TMEM182: variants seen among roughly 807,000 people sequenced by gnomAD.
TMEM182 encodes the protein transmembrane protein 182.
TMEM182 carries 20 observed loss-of-function variants against 26.8 expected under a neutral mutation model. That is an observed-to-expected ratio of 0.75 (90% CI 0.53 to 1.09). The LOEUF (loss-of-function observed/expected upper bound fraction) is 1.09. TMEM182 is among the 50% of genes least tolerant of loss of function. TMEM182 has a pLI of 0.00. For missense variants in TMEM182, 277 were observed against 275.5 expected (o/e 1.01, Z -0.04); for synonymous variants, 109 against 102.2 (o/e 1.07, Z -0.40).
intron 4 of TMEM182, among the ~76,000 whole-genome samples, chr2:102,801,244 CA>C (rs1288605103): frequency 6.6e-6 from 1 of 151,990 alleles, no homozygotes; most frequent in Non-Finnish European, 1.5e-5. Flanking sequence ...GGCACTGTTG[CA>C]GGAATCAGGA....
At chr2:102,772,651 C>A (rs1680727672) in intron 3 of TMEM182, among the ~76,000 whole-genome samples, 1 of 152,154 alleles carries the variant, frequency 6.6e-6, no homozygotes, top group African/African-American at 2.4e-5. Context: ...GCCTTCATCA[C>A]CTGGTGCCAT....
At chr2:102,752,891 A>G (rs1679916731) in intron 1 of TMEM182, among the ~76,000 whole-genome samples, 1 of 152,254 alleles carries the variant, frequency 6.6e-6, no homozygotes, top group Non-Finnish European at 1.5e-5. Context: ...TAACTGAAGG[A>G]CAGAAGAGGA....
At chr2:102,757,688 A>G (rs960672178), upstream of TMEM182, 1 of 152,270 alleles carries the variant, frequency 6.6e-6, no homozygotes, top group African/African-American at 2.4e-5. Flanking sequence ...GGCCCTGATG[A>G]CTCAGTGTTT....
chr2:102,775,824 A>G (rs998929965), intron 3 of TMEM182, among the ~76,000 whole-genome samples: 3 of 152,152 alleles, frequency 2.0e-5, no homozygotes, highest in Non-Finnish European at 2.9e-5. Flanking sequence ...TAGGAATCCA[A>G]CTTACAAGGG....
intron 1 of TMEM182, 88 bp downstream of exon 1, chr2:102,762,437 G>A: frequency 6.4e-7 from 1 of 1,569,084 alleles, no homozygotes; most frequent in Non-Finnish European, 8.7e-7. Context: ...TAGTAGTGGA[G>A]TGTCTATTTC....
At chr2:102,836,428 G>A (rs1402369703) in intron 3 of TMEM182, among the ~76,000 whole-genome samples, 2 of 152,080 alleles carry the variant, frequency 1.3e-5, no homozygotes, top group Non-Finnish European at 1.5e-5. Context: ...TTTGACCATT[G>A]TAATACGTAT....
At chr2:102,765,048 A>G (rs1005442886) in intron 3 of TMEM182, among the ~76,000 whole-genome samples, 2 of 152,106 alleles carry the variant, frequency 1.3e-5, no homozygotes, top group Admixed American at 1.3e-4. Flanking sequence ...GTGTTTTTCA[A>G]AAATAGTAGC....
intron 4 of TMEM182, among the ~76,000 whole-genome samples, chr2:102,798,886 A>C (rs1681994751): frequency 6.6e-6 from 1 of 152,148 alleles, no homozygotes; most frequent in East Asian, 1.9e-4. Context: ...AATTATCTGA[A>C]TATATTATTT....
intron 3 of TMEM182, among the ~76,000 whole-genome samples, chr2:102,771,403 G>A (rs73944419): frequency 7.9e-5 from 12 of 152,104 alleles, no homozygotes; most frequent in African/African-American, 2.9e-4. Flanking sequence ...TCCCAGAGTG[G>A]CTCACTGGGC....
chr2:102,754,580 T>C (rs1404489050), intron 1 of TMEM182, among the ~76,000 whole-genome samples: 1 of 152,214 alleles, frequency 6.6e-6, no homozygotes, highest in Non-Finnish European at 1.5e-5. Context: ...GTAGAAGCTA[T>C]GGGAGTTTGA....
chr2:102,765,868 C>G (rs1435020654), intron 3 of TMEM182, among the ~76,000 whole-genome samples: 1 of 152,126 alleles, frequency 6.6e-6, no homozygotes, highest in Non-Finnish European at 1.5e-5. Context: ...GCACCTCACT[C>G]ACATTTGTCA....
At chr2:102,777,169 CTG>C (rs1240172113) in intron 3 of TMEM182, among the ~76,000 whole-genome samples, 2 of 152,050 alleles carry the variant, frequency 1.3e-5, no homozygotes, top group East Asian at 1.9e-4. Context: ...CAATTTGTCT[CTG>C]TTTTTTTTCT....
chr2:102,755,101 C>G (rs1471584641), intron 1 of TMEM182, among the ~76,000 whole-genome samples: 8 of 152,004 alleles, frequency 5.3e-5, no homozygotes, highest in African/African-American at 1.9e-4. Flanking sequence ...AATAGAGACC[C>G]TAAAAGAAAT....
At chr2:102,812,237 C>T (rs1018436952) in intron 4 of TMEM182, among the ~76,000 whole-genome samples, 1 of 152,168 alleles carries the variant, frequency 6.6e-6, no homozygotes, top group Non-Finnish European at 1.5e-5. Flanking sequence ...TACCTGAATA[C>T]AGTGTCCTTC....
chr2:102,778,139 A>G (rs1362774493), intron 3 of TMEM182, among the ~76,000 whole-genome samples: 2 of 151,898 alleles, frequency 1.3e-5, no homozygotes, highest in South Asian at 2.1e-4. Context: ...GGATTTGTCT[A>G]TCTCCCTTTT....
intron 4 of TMEM182, among the ~76,000 whole-genome samples, chr2:102,803,895 C>G (rs1001367470): frequency 6.6e-6 from 1 of 151,770 alleles, no homozygotes; most frequent in Non-Finnish European, 1.5e-5. Context: ...GCACACGCAG[C>G]CCTGCCGTCC....
At chr2:102,817,743 C>A (rs1682804679), downstream of TMEM182, 1 of 978,854 alleles carries the variant, frequency 1.0e-6, no homozygotes, top group East Asian at 1.1e-4. Context: ...GGGTGCATGT[C>A]TGTGTATATT....
intron 3 of TMEM182, among the ~76,000 whole-genome samples, chr2:102,795,776 C>T (rs183814671): frequency 4.6e-5 from 7 of 152,258 alleles, no homozygotes; most frequent in African/African-American, 1.4e-4. Flanking sequence ...TCTGGCTCCT[C>T]GGACTCTTTT....
At chr2:102,757,588 A>C (rs1200730107), upstream of TMEM182, 1 of 152,158 alleles carries the variant, frequency 6.6e-6, no homozygotes. Context: ...AGTCTTATGC[A>C]TATTAGCTAC....
Sources: allele counts gnomAD v4.1 joint callset (sites outside exome capture counted in the v4.1 genomes callset), GRCh38; gene constraint gnomAD v4.1.1; transcripts MANE v1.5; gene names NCBI Gene and HGNC (gene_info 2026-07-23, HGNC 2026-07-21).